PDE3A: variants seen among roughly 807,000 people sequenced by gnomAD.
PDE3A encodes the protein cGMP-inhibited 3',5'-cyclic phosphodiesterase 3A.
A neutral mutation model predicts 98.3 loss-of-function variants in PDE3A; 43 were observed. The observed-to-expected ratio is 0.44, with a 90% CI of 0.34 to 0.56. The LOEUF (loss-of-function observed/expected upper bound fraction) is 0.56. PDE3A is among the 20% of genes least tolerant of loss of function. The probability of loss-of-function intolerance (pLI) is 0.01; values close to 1 mark genes in which losing one functional copy is unlikely to be tolerated. For synonymous variants in PDE3A, 663 were observed against 567.9 expected (o/e 1.17, Z -2.38); for missense variants, 1,427 against 1,440.7 (o/e 0.99, Z 0.15).
At chr12:20,424,908 A>T (rs1944579085) in intron 1 of PDE3A, among the ~76,000 whole-genome samples, 1 of 152,238 alleles carries the variant, frequency 6.6e-6, no homozygotes, top group African/African-American at 2.4e-5. Context: ...TGTGCACAGC[A>T]CAACAAACTC....
At chr12:20,456,999 C>G (rs1945163624) in intron 1 of PDE3A, among the ~76,000 whole-genome samples, 1 of 152,070 alleles carries the variant, frequency 6.6e-6, no homozygotes, top group Non-Finnish European at 1.5e-5. Context: ...CCGGGAAATC[C>G]CTTTAGTCCT....
intron 1 of PDE3A, among the ~76,000 whole-genome samples, chr12:20,433,672 A>C (rs914275610): frequency 6.6e-6 from 1 of 152,116 alleles, no homozygotes; most frequent in Admixed American, 6.5e-5. Flanking sequence ...TACGTTTTTT[A>C]AAAAAATACA....
chr12:20,686,538 A>G lies in PDE3A; in HGVS notation c.*6267A>G, dbSNP rs1945968310. Among the ~76,000 whole-genome samples the G allele has an allele frequency of 6.6e-6, 1 of 152,298 alleles. No individual in the cohort carries two copies. The highest frequency in any genetic ancestry group is 2.1e-4 in the South Asian group (1 of 4,824). ...AATTCATTAATAAAAAATTAATAACAAAACTTTGTAAGCCTTAATGGTTTA... is the reference window on the plus strand; with the variant it reads ...AATTCATTAATAAAAAATTAATAACGAAACTTTGTAAGCCTTAATGGTTTA... On this transcript the variant is annotated 3_prime_UTR_variant, in exon 16 of 16. Coordinates refer to ENST00000359062, the MANE Select transcript of PDE3A (RefSeq NM_000921.5).
At chr12:20,485,509 G>A in intron 1 of PDE3A, among the ~76,000 whole-genome samples, 1 of 151,986 alleles carries the variant, frequency 6.6e-6, no homozygotes, top group East Asian at 1.9e-4. Context: ...TTTTTGATTA[G>A]TGTTAATACA....
chr12:20,519,273 C>A (rs1304044931), intron 1 of PDE3A, among the ~76,000 whole-genome samples: 1 of 152,134 alleles, frequency 6.6e-6, no homozygotes, highest in Non-Finnish European at 1.5e-5. Context: ...CCAGGAGTGG[C>A]CAAATTATGA....
intron 1 of PDE3A, among the ~76,000 whole-genome samples, chr12:20,511,417 T>TACACAC (rs71884926): frequency 0.094 from 13,841 of 147,898 alleles, 873 homozygotes; most frequent in East Asian, 0.33. Flanking sequence ...AGTGCTCAAA[T>TACACAC]ACACACACAC....
intron 1 of PDE3A, among the ~76,000 whole-genome samples, chr12:20,519,587 GT>G (rs1348347513): frequency 6.6e-6 from 1 of 152,234 alleles, no homozygotes; most frequent in East Asian, 1.9e-4. Context: ...ATTAATTTAA[GT>G]ATTTAATACG....
chr12:20,547,107 T>C (rs1247224646), intron 1 of PDE3A, among the ~76,000 whole-genome samples: 1 of 152,062 alleles, frequency 6.6e-6, no homozygotes, highest in Non-Finnish European at 1.5e-5. Flanking sequence ...GGCATGCATT[T>C]CCCCCAGGTT....
chr12:20,466,860 A>G (rs1945348178), intron 1 of PDE3A, among the ~76,000 whole-genome samples: 1 of 152,020 alleles, frequency 6.6e-6, no homozygotes, highest in South Asian at 2.1e-4. Flanking sequence ...CCTCTCATCA[A>G]TTTTTTGTTT....
rs946677504 is a variant in PDE3A, at chr12:20,516,687, G to T, written c.961-39973G>T. 2.0e-5 allele frequency among the ~76,000 whole-genome samples: 3 copies of T among 152,292 alleles called. No individual in the cohort carries two copies. The East Asian group carries it at 5.8e-4, about 29-fold the overall frequency. On this transcript the variant is annotated intron_variant, in intron 1 of 15. Transcript: ENST00000359062. The stretch of plus-strand genomic sequence containing the variant: ...TTATAAAAGTCTGATTCTAGAGACA[G>T]GCTCTGAACCATTATGCTATGGCCT...
chr12:20,402,514 C>A (rs1018666457), intron 1 of PDE3A, among the ~76,000 whole-genome samples: 1 of 152,092 alleles, frequency 6.6e-6, no homozygotes, highest in Non-Finnish European at 1.5e-5. Flanking sequence ...AATATAAAAT[C>A]ATTTACTAAG....
chr12:20,467,658 C>G (rs143673352), intron 1 of PDE3A, among the ~76,000 whole-genome samples: 7 of 151,742 alleles, frequency 4.6e-5, no homozygotes, highest in Non-Finnish European at 8.8e-5. Context: ...GTCAATGGGC[C>G]GGGCACGGTG....
chr12:20,490,790 T>G (rs1945813104), intron 1 of PDE3A, among the ~76,000 whole-genome samples: 1 of 152,166 alleles, frequency 6.6e-6, no homozygotes, highest in East Asian at 1.9e-4. Context: ...CTTTGGTACC[T>G]TATCAAAACA....
intron 15 of PDE3A, among the ~76,000 whole-genome samples, chr12:20,677,950 T>G (rs1435693477): frequency 6.6e-6 from 1 of 151,308 alleles, no homozygotes; most frequent in East Asian, 1.9e-4. Flanking sequence ...AAAATTTTGC[T>G]GGGGACAGGG....
At chr12:20,468,660 A>C (rs532282364) in intron 1 of PDE3A, among the ~76,000 whole-genome samples, 2 of 152,248 alleles carry the variant, frequency 1.3e-5, no homozygotes, top group Non-Finnish European at 2.9e-5. Context: ...GCCAGACCTA[A>C]GATAATTATT....
At chr12:20,435,647 C>T (rs546770524) in intron 1 of PDE3A, among the ~76,000 whole-genome samples, 5 of 152,210 alleles carry the variant, frequency 3.3e-5, no homozygotes, top group South Asian at 2.1e-4. Flanking sequence ...ATGCGTAAGT[C>T]GCTTACCTTG....
In PDE3A at chr12:20,613,650, T is replaced by C. The variant is rs1370254824; in HGVS notation, c.1219T>C (p.Cys407Arg). 6.8e-6 allele frequency: 11 copies of C among 1,613,650 alleles called. No homozygotes were observed. Among genetic ancestry groups the C allele is most frequent in the Non-Finnish European group, 7.6e-6 (9 of 1,179,642 alleles). Residue 407 changes from cysteine to arginine, a missense_variant, in exon 3 of 16, where the codon TGT (cysteine) becomes CGT (arginine). Around this residue, in one of 3 missense-constraint regions of PDE3A, gnomAD observed 1,012 missense variants for 886.5 expected, o/e 1.14. Coordinates refer to ENST00000359062, the MANE Select transcript of PDE3A (RefSeq NM_000921.5). ...PVTSLSENYT[C>R]SDSEESSEKD... Reference sequence around the variant, plus strand: ...CACTTCGCTCAGTGAAAACTATACCTGTTCTGACTCTGAAGAGAGCTCTGA... The same window carrying C: ...CACTTCGCTCAGTGAAAACTATACCCGTTCTGACTCTGAAGAGAGCTCTGA...
chr12:20,662,422 A>G (rs748176120), intron 15 of PDE3A, among the ~76,000 whole-genome samples: 9 of 152,192 alleles, frequency 5.9e-5, no homozygotes, highest in Non-Finnish European at 1.2e-4. Context: ...CACCTCCTGC[A>G]TCATTTTGAC....
rs1279819781 is a variant in PDE3A at position 20,551,943 on chromosome 12, G to A, written c.961-4717G>A. 4.3e-6 allele frequency: 7 copies of A among 1,613,148 alleles called. No homozygotes were observed. In the East Asian group the frequency reaches 1.1e-4, roughly 26 times the overall value. On this transcript the variant is annotated intron_variant, in intron 1 of 15. Transcript: ENST00000359062. ...GGCGGTTCCGAGTCCAGGTCAGCGA[G>A]TCGGGTGTCCATCGGCCCCACGTGG...
Sources: allele counts gnomAD v4.1 joint callset (sites outside exome capture counted in the v4.1 genomes callset), GRCh38; gene constraint gnomAD v4.1.1; regional missense constraint gnomAD v4.1.1; transcripts MANE v1.5; gene names NCBI Gene and HGNC (gene_info 2026-07-23, HGNC 2026-07-21).